Variants in CCBE1 observed in about 807,000 individuals in gnomAD.
The protein encoded by CCBE1 is collagen and calcium-binding EGF domain-containing protein 1.
A neutral mutation model predicts 50.0 loss-of-function variants in CCBE1; 37 were observed. The observed-to-expected ratio is 0.74, with a 90% CI of 0.57 to 0.97. CCBE1 has a LOEUF of 0.97. Among genes scored for constraint, CCBE1 ranks in the 50% least tolerant of loss-of-function variants. CCBE1 has a pLI of 0.00. For missense variants in CCBE1, 538 were observed against 523.8 expected (o/e 1.03, Z -0.26); for synonymous variants, 234 against 203.7 (o/e 1.15, Z -1.27).
At chr18:59,474,948 A>G (rs1345421390) in intron 3 of CCBE1, among the ~76,000 whole-genome samples, 14 of 152,020 alleles carry the variant, frequency 9.2e-5, no homozygotes, top group Non-Finnish European at 2.1e-4. Context: ...TTTTATTGCT[A>G]TTATCTCCTC....
Position 59,469,529 on chromosome 18 carries a change from G to A in CCBE1, c.344C>T (p.Pro115Leu), listed in dbSNP as rs147402390. 309 of 1,613,990 alleles carry A rather than the reference G, an allele frequency of 1.9e-4. No individual in the cohort carries two copies. The highest frequency in any genetic ancestry group is 2.5e-4 in the Non-Finnish European group (293 of 1,180,028). ...NFGRVLCTCY[P>L]GYRYDRERHR... ...TCTCTCCCGGTCATATCGGTATCCCGGATAACAAGTACACAGCACTCGGCC... is the reference window on the plus strand; with the variant it reads ...TCTCTCCCGGTCATATCGGTATCCCAGATAACAAGTACACAGCACTCGGCC... Residue 115 changes from proline to leucine, a missense_variant, in exon 4 of 11, where the codon CCG (proline) becomes CTG (leucine). By Grantham distance (98) the Pro-to-Leu change is moderately conservative. Transcript: ENST00000439986.
intron 2 of CCBE1, among the ~76,000 whole-genome samples, chr18:59,650,188 A>G (rs772689605): frequency 1.3e-4 from 20 of 152,048 alleles, no homozygotes; most frequent in Admixed American, 3.9e-4. Flanking sequence ...TCTCAGAATC[A>G]TAAGAGGGAA....
chr18:59,555,147 A>AT (rs1232939638), intron 2 of CCBE1, among the ~76,000 whole-genome samples: 1 of 152,230 alleles, frequency 6.6e-6, no homozygotes, highest in Admixed American at 6.5e-5. Flanking sequence ...AATGAGACAT[A>AT]TGGTGGTAAA....
Position 59,453,743 on chromosome 18 carries a change from G to A in CCBE1, c.654+1108C>T, listed in dbSNP as rs573649470. Among the ~76,000 whole-genome samples, 4 of 152,276 alleles carry A rather than the reference G, an allele frequency of 2.6e-5. No individual in the cohort carries two copies. The South Asian group carries it at 8.3e-4, about 32-fold the overall frequency. ...CTCTGATGTGCTAAGAGCCTTGACTGGAAGCCGTTAAACAAACAAAACAAG... is the reference window on the plus strand; with the variant it reads ...CTCTGATGTGCTAAGAGCCTTGACTAGAAGCCGTTAAACAAACAAAACAAG... On this transcript the variant is annotated intron_variant, in intron 6 of 10. Coordinates refer to ENST00000439986, the MANE Select transcript of CCBE1 (RefSeq NM_133459.4).
chr18:59,656,438 TA>T (rs1306620329), intron 2 of CCBE1, among the ~76,000 whole-genome samples: 1 of 152,220 alleles, frequency 6.6e-6, no homozygotes, highest in East Asian at 1.9e-4. Flanking sequence ...AACAATGAAT[TA>T]TTTTCTTGGG....
rs1568253667 is a variant in CCBE1 at position 59,650,174 on chromosome 18, T to A, written c.212+46455A>T. Among the ~76,000 whole-genome samples, 3 of 151,978 alleles carry A rather than the reference T, an allele frequency of 2.0e-5. No individual in the cohort carries two copies. The East Asian group carries it at 5.8e-4, about 29-fold the overall frequency. On this transcript the variant is annotated intron_variant, in intron 2 of 10. Transcript: ENST00000439986. The stretch of plus-strand genomic sequence containing the variant: ...GAAGCTTCTGCTCACAGAACCATAA[T>A]TATTCTCAGAATCATAAGAGGGAAC...
intron 2 of CCBE1, among the ~76,000 whole-genome samples, chr18:59,518,561 T>C (rs1444441584): frequency 1.3e-5 from 2 of 152,254 alleles, no homozygotes; most frequent in Non-Finnish European, 2.9e-5. Flanking sequence ...GGCTGTATGT[T>C]AAACTTGGCT....
At chr18:59,445,781 C>T (rs554375298) in intron 7 of CCBE1, among the ~76,000 whole-genome samples, 1 of 152,096 alleles carries the variant, frequency 6.6e-6, no homozygotes, top group Non-Finnish European at 1.5e-5. Flanking sequence ...AATATCTCAC[C>T]CACATTTACA....
chr18:59,531,297 G>C (rs529285738), intron 2 of CCBE1, among the ~76,000 whole-genome samples: 18 of 152,148 alleles, frequency 1.2e-4, no homozygotes, highest in African/African-American at 4.1e-4. Context: ...AAGATGAGAA[G>C]AGACACATAC....
intron 2 of CCBE1, among the ~76,000 whole-genome samples, chr18:59,490,564 G>T (rs773008449): frequency 6.6e-6 from 1 of 152,196 alleles, no homozygotes; most frequent in Admixed American, 6.5e-5. Flanking sequence ...GGTAAGGAAT[G>T]ATGTTCATGA....
chr18:59,517,350 C>T (rs1372325628), intron 2 of CCBE1, among the ~76,000 whole-genome samples: 1 of 152,166 alleles, frequency 6.6e-6, no homozygotes, highest in Non-Finnish European at 1.5e-5. Flanking sequence ...TATTTAGCTA[C>T]CTTGGGGTCC....
chr18:59,451,930 A>G (rs912201894), intron 6 of CCBE1, among the ~76,000 whole-genome samples: 3 of 149,180 alleles, frequency 2.0e-5, no homozygotes, highest in Admixed American at 6.7e-5. Context: ...CTCTTCCCCA[A>G]CAAGTCACCA....
chr18:59,625,730 C>T (rs1452790439), intron 2 of CCBE1, among the ~76,000 whole-genome samples: 4 of 152,114 alleles, frequency 2.6e-5, no homozygotes, highest in Admixed American at 6.6e-5. Flanking sequence ...ATTATCACAC[C>T]TAGGTAACTG....
chr18:59,600,282 ACTC>A lies in CCBE1; in HGVS notation c.212+96344_212+96346del, dbSNP rs546020472. 2.0e-3 allele frequency among the ~76,000 whole-genome samples: 295 copies of A among 150,478 alleles called. 1 individual carries two copies. Among genetic ancestry groups the A allele is most frequent in the Non-Finnish European group, 3.4e-3 (227 of 67,690 alleles). On this transcript the variant is annotated intron_variant, in intron 2 of 10. Coordinates refer to ENST00000439986, the MANE Select transcript of CCBE1 (RefSeq NM_133459.4). ...TGTATGTGAGGGATGTAGGTTGCACACTCCTCATGAGAATCTAATGCATGGTGA... is the reference window on the plus strand; with the variant it reads ...TGTATGTGAGGGATGTAGGTTGCACACTCATGAGAATCTAATGCATGGTGA...
intron 2 of CCBE1, among the ~76,000 whole-genome samples, chr18:59,647,302 T>A (rs935783465): frequency 6.6e-6 from 1 of 152,166 alleles, no homozygotes; most frequent in Non-Finnish European, 1.5e-5. Context: ...GTATAATTAG[T>A]GGCACAGGAA....
At chr18:59,448,154 C>T (rs1009661637) in intron 6 of CCBE1, 51 bp from the exon 7 acceptor site, 4 of 1,610,506 alleles carry the variant, frequency 2.5e-6, no homozygotes, top group African/African-American at 1.3e-5. Context: ...AGAAGAGAGC[C>T]TCGGCATTTG....
intron 2 of CCBE1, among the ~76,000 whole-genome samples, chr18:59,629,356 C>T (rs2053824841): frequency 6.6e-6 from 1 of 152,234 alleles, no homozygotes; most frequent in South Asian, 2.1e-4. Context: ...GTCGCTACAA[C>T]TCCCTGTCCC....
intron 2 of CCBE1, among the ~76,000 whole-genome samples, chr18:59,573,224 G>A (rs1019897495): frequency 1.9e-4 from 29 of 149,002 alleles, no homozygotes; most frequent in African/African-American, 7.2e-4. Context: ...GGCAGAGGCT[G>A]CAGTGAGCCG....
At chr18:59,453,305 C>T (rs949876565) in intron 6 of CCBE1, among the ~76,000 whole-genome samples, 3 of 152,190 alleles carry the variant, frequency 2.0e-5, no homozygotes, top group East Asian at 1.9e-4. Flanking sequence ...ACTTCTTCCT[C>T]GAACCCTTCT....
Sources: allele counts gnomAD v4.1 joint callset (sites outside exome capture counted in the v4.1 genomes callset), GRCh38; gene constraint gnomAD v4.1.1; transcripts MANE v1.5; gene names NCBI Gene and HGNC (gene_info 2026-07-23, HGNC 2026-07-21).